HECW2: variants seen among roughly 807,000 people sequenced by gnomAD.
HECW2 encodes HECT, C2 and WW domain containing E3 ubiquitin protein ligase 2, also known as E3 ubiquitin-protein ligase HECW2.
A neutral mutation model predicts 175.2 loss-of-function variants in HECW2; 61 were observed. The observed-to-expected ratio is 0.35, with a 90% CI of 0.28 to 0.43. The LOEUF (loss-of-function observed/expected upper bound fraction) is 0.43, where lower values mean the gene tolerates loss of function less well. Ranked by LOEUF, HECW2 falls within the 20% of genes least tolerant of loss-of-function variation. The probability of loss-of-function intolerance (pLI) is 1.00; values close to 1 mark genes in which losing one functional copy is unlikely to be tolerated. For synonymous variants in HECW2, 671 were observed against 731.0 expected (o/e 0.92, Z 1.32); for missense variants, 1,524 against 2,000.5 (o/e 0.76, Z 4.54).
At chr2:196,402,810 T>TC (rs1025982048) in intron 2 of HECW2, among the ~76,000 whole-genome samples, 1 of 148,004 alleles carries the variant, frequency 6.8e-6, no homozygotes, top group Non-Finnish European at 1.5e-5. Flanking sequence ...GGAATTTTTT[T>TC]TTTTTTTTTT....
At chr2:196,275,734 A>G (rs1216634284) in intron 15 of HECW2, among the ~76,000 whole-genome samples, 1 of 151,442 alleles carries the variant, frequency 6.6e-6, no homozygotes, top group Non-Finnish European at 1.5e-5. Context: ...CCTGGCGACA[A>G]AGCAAGACTC....
rs942615384 is a variant in HECW2 at position 196,214,062 on chromosome 2, C to T, written c.4607+1803G>A. The stretch of plus-strand genomic sequence containing the variant: ...ATGGTGACAGAAATCACAATGGCAG[C>T]GATCACTGACTGGATGCTTACTCAT... On this transcript the variant is annotated intron_variant, in intron 28 of 28. Transcript: ENST00000644978. 6.6e-5 allele frequency among the ~76,000 whole-genome samples: 10 copies of T among 152,176 alleles called. 1 individual carries two copies. The highest frequency in any genetic ancestry group is 2.2e-4 in the African/African-American group (9 of 41,432).
intron 7 of HECW2, 36 bp from the exon 8 acceptor site, chr2:196,320,475 C>A (rs777768772): frequency 7.1e-7 from 1 of 1,405,758 alleles, no homozygotes; most frequent in Admixed American, 1.7e-5. Context: ...ATCCTGACTA[C>A]GCTGGAGTCA....
intron 9 of HECW2, 45 bp downstream of exon 9, chr2:196,318,507 A>G: frequency 7.0e-7 from 1 of 1,430,338 alleles, no homozygotes. Context: ...TTCTCTCTGC[A>G]CAGCTACGCT....
At chr2:196,262,302 T>C (rs779129419) in intron 17 of HECW2, among the ~76,000 whole-genome samples, 1 of 151,642 alleles carries the variant, frequency 6.6e-6, no homozygotes, top group South Asian at 2.1e-4. Flanking sequence ...ACTAGGATTA[T>C]AGGAGTGAGC....
At chr2:196,391,600 A>AT (rs1694512536) in intron 2 of HECW2, among the ~76,000 whole-genome samples, 1 of 152,054 alleles carries the variant, frequency 6.6e-6, no homozygotes, top group South Asian at 2.1e-4. Flanking sequence ...TTAGTTCTAT[A>AT]TTTTTTCTCT....
chr2:196,360,139 A>T (rs966881922), intron 2 of HECW2, among the ~76,000 whole-genome samples: 29 of 152,172 alleles, frequency 1.9e-4, no homozygotes, highest in Admixed American at 1.8e-3. Flanking sequence ...CAGGGTAGCA[A>T]ACCTCCAAAG....
chr2:196,591,792 G>A (rs1029946167), intron 1 of HECW2, among the ~76,000 whole-genome samples: 3 of 152,200 alleles, frequency 2.0e-5, no homozygotes, highest in African/African-American at 7.2e-5. Flanking sequence ...AAACAGATTA[G>A]CAAACTCCAG....
chr2:196,583,544 G>A (rs1338085436), intron 1 of HECW2, among the ~76,000 whole-genome samples: 1 of 152,216 alleles, frequency 6.6e-6, no homozygotes, highest in Admixed American at 6.5e-5. Context: ...TGCCTGGACT[G>A]TGGACCACAC....
At chr2:196,279,485 CTTTAT>C (rs895202789) in intron 14 of HECW2, among the ~76,000 whole-genome samples, 11 of 152,282 alleles carry the variant, frequency 7.2e-5, no homozygotes, top group African/African-American at 2.6e-4. Flanking sequence ...TATTTTGGGA[CTTTAT>C]TTTATGTGTG....
intron 21 of HECW2, among the ~76,000 whole-genome samples, chr2:196,236,547 T>G (rs1688259788): frequency 6.6e-6 from 1 of 152,230 alleles, no homozygotes; most frequent in Non-Finnish European, 1.5e-5. Context: ...CTAATGTCCC[T>G]TATCTGTTCC....
intron 2 of HECW2, among the ~76,000 whole-genome samples, chr2:196,418,611 G>T (rs1313221444): frequency 6.6e-6 from 1 of 152,148 alleles, no homozygotes; most frequent in Non-Finnish European, 1.5e-5. Flanking sequence ...AGCAACAGAT[G>T]CACATTTTCG....
At chr2:196,260,424 T>C (rs3762474) in intron 17 of HECW2, 36,756 of 152,128 alleles carry the variant, frequency 0.24, 6,670 homozygotes, top group African/African-American at 0.5. Flanking sequence ...GAACATTTTC[T>C]GCGTGCCTAT....
Position 196,199,857 on chromosome 2 carries a change from A to T in HECW2, c.*1420T>A, listed in dbSNP as rs144728792. 6.6e-6 allele frequency: 1 copy of T among 152,424 alleles called. No homozygotes were observed. Among genetic ancestry groups the T allele is most frequent in the African/African-American group, 2.4e-5 (1 of 41,562 alleles). The allele number at this position is 152,424 out of a possible 1,614,324, so 9.4% of individuals were successfully genotyped here. On this transcript the variant is annotated 3_prime_UTR_variant, in exon 29 of 29. Coordinates refer to ENST00000644978, the MANE Select transcript of HECW2 (RefSeq NM_001348768.2). ...GATGCCATAGAAAAACTGTCTCTTA[A>T]TATTAATAAGAAAATTATGCATCAG...
chr2:196,392,217 A>G (rs1694533506), intron 2 of HECW2, among the ~76,000 whole-genome samples: 1 of 152,186 alleles, frequency 6.6e-6, no homozygotes, highest in Non-Finnish European at 1.5e-5. Context: ...AATAAAATTG[A>G]GTAATATTTT....
intron 2 of HECW2, among the ~76,000 whole-genome samples, chr2:196,413,069 A>G (rs1048192864): frequency 2.6e-5 from 4 of 152,224 alleles, no homozygotes; most frequent in African/African-American, 7.2e-5. Flanking sequence ...AACATGAAAT[A>G]GAGCTGGGCA....
intron 2 of HECW2, among the ~76,000 whole-genome samples, chr2:196,428,747 A>G (rs144983482): frequency 1.3e-5 from 2 of 152,288 alleles, no homozygotes; most frequent in East Asian, 3.9e-4. Flanking sequence ...AACACTCTCC[A>G]CGAAGTAGTA....
chr2:196,461,974 A>G (rs1696763608), intron 1 of HECW2, among the ~76,000 whole-genome samples: 1 of 152,152 alleles, frequency 6.6e-6, no homozygotes, highest in Non-Finnish European at 1.5e-5. Context: ...AATAACTCAT[A>G]ACTGGAAAAA....
chr2:196,573,659 G>T (rs1447093267), intron 1 of HECW2, among the ~76,000 whole-genome samples: 1 of 152,154 alleles, frequency 6.6e-6, no homozygotes, highest in Non-Finnish European at 1.5e-5. Context: ...CCCACAGCAT[G>T]TGTTGAAAAC....
Sources: gnomAD v4.1 joint callset for allele counts (sites outside exome capture counted in the v4.1 genomes callset) on GRCh38, gnomAD v4.1.1 for gene constraint, MANE v1.5 for transcripts, NCBI Gene and HGNC (gene_info 2026-07-23, HGNC 2026-07-21) for gene names.